Variants in UQCC1 observed in about 807,000 individuals in gnomAD.
UQCC1 encodes the protein bFGF-repressed Zic-binding protein.
A neutral mutation model predicts 48.0 loss-of-function variants in UQCC1; 38 were observed. That is an observed-to-expected ratio of 0.79 (90% CI 0.61 to 1.04). UQCC1 has a LOEUF of 1.04. Among genes scored for constraint, UQCC1 ranks in the 50% least tolerant of loss-of-function variants. The pLI, the probability that UQCC1 is intolerant of heterozygous loss-of-function variation, is 0.00. For missense variants in UQCC1, 368 were observed against 381.8 expected, an observed-to-expected ratio of 0.96 and a Z score of 0.30; for synonymous variants, 111 against 129.2, an observed-to-expected ratio of 0.86 and a Z score of 0.95.
At chr20:35,314,823 A>T in intron 7 of UQCC1, 58 bp from the exon 8 acceptor site, 1 of 1,428,348 alleles carries the variant, frequency 7.0e-7, no homozygotes, top group Non-Finnish European at 9.7e-7. Context: ...AAAACCCAAA[A>T]AGTATGATCT....
chr20:35,392,236 C>G (rs1222183245), intron 2 of UQCC1: 8 of 1,304,114 alleles, frequency 6.1e-6, no homozygotes, highest in Non-Finnish European at 8.1e-6. Context: ...AGACATGTAC[C>G]TGAGGATGCC....
intron 7 of UQCC1, among the ~76,000 whole-genome samples, chr20:35,318,211 G>A (rs1218987292): frequency 6.6e-6 from 1 of 152,210 alleles, no homozygotes; most frequent in African/African-American, 2.4e-5. Flanking sequence ...TTTGGAGCAG[G>A]AAGGGCCCTC....
At chr20:35,384,250 C>T (rs4911496) in intron 2 of UQCC1, 117 bp from the exon 3 acceptor site, 457,776 of 817,796 alleles carry the variant, frequency 0.56, 132,721 homozygotes, top group East Asian at 0.74. Flanking sequence ...CCCACTTCCC[C>T]GTGATCAGCT....
At chr20:35,382,995 T>A (rs144629205) in intron 3 of UQCC1, among the ~76,000 whole-genome samples, 3,994 of 152,134 alleles carry the variant, frequency 0.026, 88 homozygotes, top group South Asian at 0.085. Context: ...AGAAGACTTT[T>A]AAAAGGAAAT....
At chr20:35,330,756 C>G (rs1351151631) in intron 7 of UQCC1, among the ~76,000 whole-genome samples, 1 of 151,864 alleles carries the variant, frequency 6.6e-6, no homozygotes, top group Non-Finnish European at 1.5e-5. Flanking sequence ...TGTGTTCACT[C>G]TTGGAAATTC....
chr20:35,306,469 C>G, intron 9 of UQCC1, 197 bp downstream of exon 9: 1 of 562,302 alleles, frequency 1.8e-6, no homozygotes, highest in South Asian at 2.0e-5. Flanking sequence ...CTCTCTCTTC[C>G]CATTTCCCGC....
In UQCC1 at chr20:35,336,326, G is replaced by C. The variant is rs183251801; in HGVS notation, c.573+10838C>G. On this transcript the variant is annotated intron_variant, in intron 7 of 9. Coordinates refer to ENST00000374385, the MANE Select transcript of UQCC1 (RefSeq NM_018244.5). ...CCATGTCCCAGTTCCTGGAACCTGT[G>C]CGTGTTACCTTATATGGCAAAAAAG... 8.9e-3 allele frequency among the ~76,000 whole-genome samples: 1,348 copies of C among 152,290 alleles called. 21 individuals carry two copies. Among genetic ancestry groups the C allele is most frequent in the African/African-American group, 0.03 (1,265 of 41,552 alleles).
intron 2 of UQCC1, among the ~76,000 whole-genome samples, chr20:35,388,125 C>T (rs1033699892): frequency 4.0e-5 from 6 of 151,166 alleles, no homozygotes; most frequent in Non-Finnish European, 8.8e-5. Context: ...GGATTACAGA[C>T]GTGTGCCACC....
At chr20:35,399,215 G>A (rs757204222) in intron 1 of UQCC1, among the ~76,000 whole-genome samples, 1 of 152,192 alleles carries the variant, frequency 6.6e-6, no homozygotes, top group African/African-American at 2.4e-5. Context: ...AACTGTTACC[G>A]AATTATACAA....
rs199925643 is a variant in UQCC1 at position 35,303,919 on chromosome 20, C to G, written c.*16G>C. ...CCTCGAAGCCAGCTGGCGGGCCGTG[C>G]GGAGGGCCCAGCCCATCAAAGTCCC... On this transcript the variant is annotated 3_prime_UTR_variant, in exon 10 of 10. Transcript: ENST00000374385. 1.0e-4 allele frequency: 164 copies of G among 1,614,100 alleles called. 2 individuals carry two copies. The East Asian group carries it at 3.6e-3, about 36-fold the overall frequency.
At chr20:35,333,818 T>C (rs1014527389) in intron 7 of UQCC1, among the ~76,000 whole-genome samples, 32 of 151,698 alleles carry the variant, frequency 2.1e-4, no homozygotes, top group Admixed American at 6.6e-4. Flanking sequence ...CAACGTTCTC[T>C]GATGTTAACA....
intron 8 of UQCC1, 50 bp from the exon 9 acceptor site, chr20:35,306,829 G>A (rs753201944): frequency 2.8e-6 from 4 of 1,408,164 alleles, no homozygotes; most frequent in Non-Finnish European, 4.0e-6. Flanking sequence ...ACAGAGCCAG[G>A]ACACAGACGG....
chr20:35,397,981 C>G (rs2062106298), intron 1 of UQCC1, among the ~76,000 whole-genome samples: 1 of 152,208 alleles, frequency 6.6e-6, no homozygotes, highest in Non-Finnish European at 1.5e-5. Context: ...CTCATTTAAA[C>G]TTCACAATCA....
rs149131010 is a variant in UQCC1 at position 35,376,281 on chromosome 20, C to T, written c.334-2025G>A. On this transcript the variant is annotated intron_variant, in intron 4 of 9. Transcript: ENST00000374385. ...CGAGATTGTGCCACTGCACTCCAGC[C>T]TGGGCGACAGAGCCAGACTCCGCCT... Among the ~76,000 whole-genome samples, 465 of 152,014 alleles carry T rather than the reference C, an allele frequency of 3.1e-3. 21 individuals are homozygous for T. The East Asian group carries it at 0.084, about 27-fold the overall frequency.
chr20:35,304,348 C>T (rs2060905300), intron 9 of UQCC1, among the ~76,000 whole-genome samples: 1 of 152,164 alleles, frequency 6.6e-6, no homozygotes, highest in South Asian at 2.1e-4. Context: ...GAGACAGACA[C>T]ACACCTCCCA....
intron 2 of UQCC1, among the ~76,000 whole-genome samples, chr20:35,385,792 C>CT: frequency 6.6e-6 from 1 of 151,684 alleles, no homozygotes; most frequent in South Asian, 2.1e-4. Flanking sequence ...CAAAATGGGA[C>CT]TACAGGCATG....
chr20:35,318,202 T>C (rs1342364798), intron 7 of UQCC1, among the ~76,000 whole-genome samples: 2 of 152,252 alleles, frequency 1.3e-5, no homozygotes, highest in South Asian at 2.1e-4. Flanking sequence ...CCATTAAGCT[T>C]TGGAGCAGGA....
At chr20:35,381,052 A>G (rs2061860123) in intron 4 of UQCC1, among the ~76,000 whole-genome samples, 1 of 152,214 alleles carries the variant, frequency 6.6e-6, no homozygotes, top group Non-Finnish European at 1.5e-5. Context: ...TTTTATTTCT[A>G]TAATTGGTTA....
At chr20:35,367,815 G>C (rs773645361) in intron 5 of UQCC1, among the ~76,000 whole-genome samples, 1 of 152,094 alleles carries the variant, frequency 6.6e-6, no homozygotes, top group Non-Finnish European at 1.5e-5. Context: ...GGGCTCTAGG[G>C]AGCTGCAGCT....
Sources: gnomAD v4.1 joint callset for allele counts (sites outside exome capture counted in the v4.1 genomes callset) on GRCh38, gnomAD v4.1.1 for gene constraint, MANE v1.5 for transcripts, NCBI Gene and HGNC (gene_info 2026-07-23, HGNC 2026-07-21) for gene names.